SWT1: variants seen among roughly 807,000 people sequenced by gnomAD.
SWT1 encodes SWT1 RNA endoribonuclease homolog, also known as transcriptional protein SWT1.
In SWT1, 33 loss-of-function variants were observed where a neutral mutation model predicts 107.3. That is an observed-to-expected ratio of 0.31 (90% CI 0.23 to 0.41). The LOEUF is 0.41. Ranked by LOEUF, SWT1 falls within the 10% of genes least tolerant of loss-of-function variation. The probability of loss-of-function intolerance (pLI) is 1.00; values close to 1 mark genes in which losing one functional copy is unlikely to be tolerated. For synonymous variants in SWT1, 345 were observed against 348.3 expected, an observed-to-expected ratio of 0.99 and a Z score of 0.11; for missense variants, 898 against 1,028.9, an observed-to-expected ratio of 0.87 and a Z score of 1.74.
chr1:185,270,912 G>T (rs532096152), intron 16 of SWT1, among the ~76,000 whole-genome samples: 194 of 152,278 alleles, frequency 1.3e-3, no homozygotes, highest in African/African-American at 4.5e-3. Context: ...TCAGTTGTCT[G>T]TTTGGACTGG....
intron 15 of SWT1, among the ~76,000 whole-genome samples, chr1:185,230,973 T>G (rs752566343): frequency 2.0e-5 from 3 of 152,186 alleles, no homozygotes; most frequent in Non-Finnish European, 4.4e-5. Context: ...GGTCTCAAAC[T>G]TCTGGCCTCA....
chr1:185,210,904 GACAA>G (rs531211329), intron 13 of SWT1, among the ~76,000 whole-genome samples: 299 of 152,184 alleles, frequency 2.0e-3, no homozygotes, highest in African/African-American at 6.6e-3. Context: ...ACCAAGAACA[GACAA>G]ACAGAGAGCC....
At chr1:185,214,697 C>T (rs573603364) in intron 14 of SWT1, 42 bp downstream of exon 14, 72 of 1,526,626 alleles carry the variant, frequency 4.7e-5, no homozygotes, top group Non-Finnish European at 1.1e-5. Context: ...GCTAATTATA[C>T]ATGTTCTGAA....
chr1:185,222,852 A>G (rs1659771977), intron 15 of SWT1, among the ~76,000 whole-genome samples: 1 of 151,618 alleles, frequency 6.6e-6, no homozygotes, highest in Non-Finnish European at 1.5e-5. Flanking sequence ...TAGTCACCCT[A>G]CTATGCAATA....
chr1:185,176,703 G>T (rs1391069943), intron 5 of SWT1: 6 of 984,986 alleles, frequency 6.1e-6, no homozygotes, highest in Non-Finnish European at 7.2e-6. Flanking sequence ...TGTGGACTGT[G>T]GCCAGGCCTG....
At chr1:185,213,233 C>G (rs1558045097) in intron 13 of SWT1, among the ~76,000 whole-genome samples, 1 of 152,072 alleles carries the variant, frequency 6.6e-6, no homozygotes, top group Non-Finnish European at 1.5e-5. Flanking sequence ...AAGTTGTGTC[C>G]AATTATATCT....
intron 16 of SWT1, among the ~76,000 whole-genome samples, chr1:185,232,394 A>G (rs1272716857): frequency 1.3e-5 from 2 of 152,212 alleles, no homozygotes; most frequent in African/African-American, 2.4e-5. Flanking sequence ...TATATTTTCT[A>G]CAGAAAGTAA....
chr1:185,226,055 A>G (rs958680831), intron 15 of SWT1, among the ~76,000 whole-genome samples: 8 of 152,262 alleles, frequency 5.3e-5, no homozygotes, highest in Admixed American at 2.0e-4. Context: ...TTGGCTAATC[A>G]GACATTCTGG....
intron 16 of SWT1, among the ~76,000 whole-genome samples, chr1:185,235,213 A>G (rs558126083): frequency 6.6e-6 from 1 of 152,358 alleles, no homozygotes; most frequent in South Asian, 2.1e-4. Context: ...AATGCATTTT[A>G]TGAGGCCAGC....
At chr1:185,222,840 C>G (rs2102533202) in intron 15 of SWT1, among the ~76,000 whole-genome samples, 1 of 151,632 alleles carries the variant, frequency 6.6e-6, no homozygotes, top group Admixed American at 6.6e-5. Flanking sequence ...TACTTTGAGC[C>G]ATAGTCACCC....
chr1:185,286,289 T>A (rs796945680), intron 18 of SWT1, among the ~76,000 whole-genome samples: 3 of 152,304 alleles, frequency 2.0e-5, no homozygotes, highest in African/African-American at 7.2e-5. Context: ...AGTGGCGCGA[T>A]CTCGGCTCAC....
chr1:185,211,161 T>C (rs940551740), intron 13 of SWT1, among the ~76,000 whole-genome samples: 1 of 152,118 alleles, frequency 6.6e-6, no homozygotes, highest in Admixed American at 6.6e-5. Context: ...CAAGCTACCA[T>C]TGACTTTCTT....
chr1:185,194,621 C>G (rs1657234208), intron 10 of SWT1, among the ~76,000 whole-genome samples: 2 of 150,608 alleles, frequency 1.3e-5, no homozygotes, highest in South Asian at 4.2e-4. Context: ...TGGGTACTTT[C>G]TTTTGACTTC....
At chr1:185,179,336 T>TA (rs1490345975) in intron 5 of SWT1, among the ~76,000 whole-genome samples, 1 of 152,214 alleles carries the variant, frequency 6.6e-6, no homozygotes, top group Non-Finnish European at 1.5e-5. Flanking sequence ...CATGTTAGTT[T>TA]AGAGTTACTT....
At position 185,267,027 on chromosome 1, in the gene SWT1, G is replaced by A. The variant is rs72724127; in HGVS notation, c.2442-4296G>A. ...AAAATAATTTAAAGGCAAGAAGATG[G>A]TAGTGGTTGTCCTTTTATTGGTGGG... On this transcript the variant is annotated intron_variant, in intron 16 of 18. Transcript: ENST00000367500. 7.5e-3 allele frequency among the ~76,000 whole-genome samples: 1,145 copies of A among 152,320 alleles called. 8 individuals are homozygous for A. The highest frequency in any genetic ancestry group is 0.012 in the Non-Finnish European group (788 of 68,028).
At chr1:185,263,599 A>G (rs890464358) in intron 16 of SWT1, 12 of 152,372 alleles carry the variant, frequency 7.9e-5, no homozygotes, top group African/African-American at 2.9e-4. Flanking sequence ...GGTGGTTTCA[A>G]CTGAACACTA....
intron 16 of SWT1, among the ~76,000 whole-genome samples, chr1:185,232,596 G>A (rs1660581423): frequency 6.6e-6 from 1 of 152,176 alleles, no homozygotes; most frequent in African/African-American, 2.4e-5. Context: ...GCGGGAGGAA[G>A]GGTTGGCAAA....
At chr1:185,269,378 T>TG (rs1553267753) in intron 16 of SWT1, among the ~76,000 whole-genome samples, 14 of 151,642 alleles carry the variant, frequency 9.2e-5, no homozygotes, top group African/African-American at 2.4e-4. Flanking sequence ...TTTTTGTTTT[T>TG]TTTTTTTTTT....
intron 1 of SWT1, among the ~76,000 whole-genome samples, chr1:185,160,027 T>C (rs1654006020): frequency 3.3e-5 from 5 of 152,196 alleles, no homozygotes; most frequent in South Asian, 4.1e-4. Flanking sequence ...AGCCACAAGA[T>C]ATATTTTACA....
Sources: gnomAD v4.1 joint callset for allele counts (sites outside exome capture counted in the v4.1 genomes callset) on GRCh38, gnomAD v4.1.1 for gene constraint, MANE v1.5 for transcripts, NCBI Gene and HGNC (gene_info 2026-07-23, HGNC 2026-07-21) for gene names.